CEP112: variants seen among roughly 807,000 people sequenced by gnomAD.
CEP112 encodes the protein centrosomal protein of 112 kDa.
In CEP112, 127 loss-of-function variants were observed where a neutral mutation model predicts 153.0. The observed-to-expected ratio is 0.83, with a 90% confidence interval of 0.72 to 0.96. CEP112 has a LOEUF of 0.96. Ranked by LOEUF, CEP112 falls within the 40% of genes least tolerant of loss-of-function variation. CEP112 has a pLI of 0.00. For synonymous variants in CEP112, 358 were observed against 374.4 expected (o/e 0.96, Z 0.51); for missense variants, 1,089 against 1,101.2 (o/e 0.99, Z 0.16).
At chr17:65,802,808 T>C (rs138181541) in intron 21 of CEP112, among the ~76,000 whole-genome samples, 114 of 152,308 alleles carry the variant, frequency 7.5e-4, no homozygotes, top group Non-Finnish European at 1.4e-3. Flanking sequence ...TGTAGCAGGA[T>C]TGTATTTTCC....
rs564261561 is a variant in CEP112 at position 65,825,408 on chromosome 17, C to T, written c.2394+26396G>A. 2.8e-3 allele frequency among the ~76,000 whole-genome samples: 427 copies of T among 152,280 alleles called. 1 individual carries two copies. The highest frequency in any genetic ancestry group is 9.9e-3 in the African/African-American group (413 of 41,546). On this transcript the variant is annotated intron_variant, in intron 21 of 26. Transcript: ENST00000535342. ...AGGAAGTAGCTCACCTGCCACTCAC[C>T]TCCTGCTGTGCAGCCTGGTTCCTAA...
At chr17:66,043,069 T>G in intron 12 of CEP112, 1 of 980,276 alleles carries the variant, frequency 1.0e-6, no homozygotes. Flanking sequence ...CTTTTGGCAC[T>G]CTTTAAGGTA....
chr17:66,160,994 A>G (rs867932775), intron 4 of CEP112, among the ~76,000 whole-genome samples: 7 of 149,982 alleles, frequency 4.7e-5, no homozygotes, highest in African/African-American at 1.2e-4. Flanking sequence ...AATTTACAAG[A>G]AAAAAAAAAC....
chr17:65,798,637 T>C (rs546917223), intron 21 of CEP112, among the ~76,000 whole-genome samples: 2 of 152,350 alleles, frequency 1.3e-5, no homozygotes, highest in Admixed American at 6.5e-5. Flanking sequence ...ATGACATGCT[T>C]AATACCTGTT....
intron 24 of CEP112, chr17:65,644,370 T>G: frequency 1.8e-6 from 1 of 561,138 alleles, no homozygotes; most frequent in Admixed American, 2.5e-5. Flanking sequence ...AGTTCAAGTC[T>G]GGCATTTTCC....
chr17:65,718,147 T>C (rs998754287), intron 23 of CEP112, among the ~76,000 whole-genome samples: 1 of 152,234 alleles, frequency 6.6e-6, no homozygotes, highest in Admixed American at 6.5e-5. Context: ...GGCTCACGCC[T>C]GTAATCCCAG....
chr17:65,948,764 T>C lies in CEP112; in HGVS notation c.1872+12699A>G, dbSNP rs892550153. The stretch of plus-strand genomic sequence containing the variant: ...ATGTTCTTCAAAGCGAAAGAAAGAG[T>C]GTGCAGCAATTTTTTAAAAAGTTTA... On this transcript the variant is annotated intron_variant, in intron 18 of 26. Coordinates refer to ENST00000535342, the MANE Select transcript of CEP112 (RefSeq NM_001199165.4). Among the ~76,000 whole-genome samples the C allele has an allele frequency of 2.0e-5, 3 of 152,052 alleles. No individual in the cohort carries two copies. The East Asian group carries it at 5.8e-4, about 29-fold the overall frequency.
At chr17:65,747,598 A>G (rs1483182031) in intron 22 of CEP112, among the ~76,000 whole-genome samples, 2 of 152,210 alleles carry the variant, frequency 1.3e-5, no homozygotes, top group African/African-American at 4.8e-5. Flanking sequence ...TAAGCGGACT[A>G]AACTCCAGCA....
chr17:65,706,571 G>T lies in CEP112; in HGVS notation c.2608-17353C>A, dbSNP rs1264347565. On this transcript the variant is annotated intron_variant, in intron 23 of 26. Transcript: ENST00000535342. ...TCCCAGGCTTAACAGGTTCAAAACT[G>T]GACGTATTATCAGTTTTCCCACTTT... is the stretch of plus-strand genomic sequence containing the variant. Among the ~76,000 whole-genome samples, 8 of 152,260 alleles carry T rather than the reference G, an allele frequency of 5.3e-5. No individual in the cohort carries two copies. In the East Asian group the frequency reaches 1.5e-3, roughly 29 times the overall value.
At chr17:65,690,522 C>A (rs184863521) in intron 23 of CEP112, among the ~76,000 whole-genome samples, 44 of 150,328 alleles carry the variant, frequency 2.9e-4, no homozygotes, top group African/African-American at 1.0e-3. Context: ...TATTATATAA[C>A]CGTGATGAGT....
intron 18 of CEP112, among the ~76,000 whole-genome samples, chr17:65,937,600 C>G (rs1350149417): frequency 1.8e-5 from 2 of 108,702 alleles, no homozygotes; most frequent in African/African-American, 3.1e-5. Context: ...GCCAGCCGCC[C>G]CGTCCGGGAG....
In CEP112 at chr17:66,191,895, C is replaced by G. The variant is rs1474836162; in HGVS notation, c.-9+102G>C. The G allele has an allele frequency of 1.3e-5, 2 of 152,154 alleles. No homozygotes were observed. Among genetic ancestry groups the G allele is most frequent in the African/African-American group, 2.4e-5 (1 of 41,430 alleles). 9.4% of individuals were successfully genotyped at this position (152,154 alleles called of 1,614,324 possible). The stretch of plus-strand genomic sequence containing the variant: ...AGGGCCTGAGGGCGACGCCCCTTCC[C>G]GAACGGGCCCGCAAGGGCGGGGCGG... On this transcript the variant is annotated intron_variant, in intron 1 of 26. Coordinates refer to ENST00000535342, the MANE Select transcript of CEP112 (RefSeq NM_001199165.4). This position sits in a 1 kb window ranked among gnomAD's most constrained non-coding sequence, Gnocchi z 4.2.
intron 6 of CEP112, among the ~76,000 whole-genome samples, chr17:66,126,196 T>C (rs1598400932): frequency 6.6e-6 from 1 of 152,194 alleles, no homozygotes; most frequent in South Asian, 2.1e-4. Flanking sequence ...TACTTATGAC[T>C]TTTTCCTACT....
intron 16 of CEP112, among the ~76,000 whole-genome samples, chr17:66,009,305 G>C (rs1169602115): frequency 6.6e-6 from 1 of 151,940 alleles, no homozygotes; most frequent in Non-Finnish European, 1.5e-5. Context: ...CTGATGATTA[G>C]TGATGTCGAG....
intron 8 of CEP112, among the ~76,000 whole-genome samples, chr17:66,079,322 A>C (rs1303908713): frequency 6.6e-6 from 1 of 152,166 alleles, no homozygotes; most frequent in Non-Finnish European, 1.5e-5. Flanking sequence ...TATTCATAGA[A>C]TTATTATTTG....
chr17:65,902,344 C>A lies in CEP112; in HGVS notation c.1981-10G>T. Reference sequence around the variant, plus strand: ...GCTTCAGCTCTACTATCTGATTGGACAATGAGGAGGACAGTTCATCAACAG... The same window carrying A: ...GCTTCAGCTCTACTATCTGATTGGAAAATGAGGAGGACAGTTCATCAACAG... On this transcript the variant is annotated splice_polypyrimidine_tract_variant and intron_variant, in intron 19 of 26. Coordinates refer to ENST00000535342, the MANE Select transcript of CEP112 (RefSeq NM_001199165.4). The A allele has an allele frequency of 6.2e-7, 1 of 1,609,608 alleles. No homozygotes were observed. The highest frequency in any genetic ancestry group is 8.5e-7 in the Non-Finnish European group (1 of 1,177,942).
chr17:65,655,462 T>C, intron 24 of CEP112: 1 of 963,510 alleles, frequency 1.0e-6, no homozygotes, highest in Admixed American at 1.8e-5. Flanking sequence ...TGGGCCACAG[T>C]GTTTATGTAC....
chr17:65,937,899 C>G (rs2061396787), intron 18 of CEP112, among the ~76,000 whole-genome samples: 2 of 118,252 alleles, frequency 1.7e-5, no homozygotes, highest in African/African-American at 5.7e-5. Context: ...GCCCGGCCAC[C>G]ACCCCATCTG....
intron 15 of CEP112, among the ~76,000 whole-genome samples, chr17:66,027,950 A>G (rs183408809): frequency 9.5e-4 from 137 of 144,860 alleles, no homozygotes; most frequent in African/African-American, 3.0e-3. Flanking sequence ...AGAGAGAGAC[A>G]GAGGGAGAGA....
Sources: allele counts gnomAD v4.1 joint callset (sites outside exome capture counted in the v4.1 genomes callset), GRCh38; gene constraint gnomAD v4.1.1; non-coding constraint Gnocchi (gnomAD v3.1); transcripts MANE v1.5; gene names NCBI Gene and HGNC (gene_info 2026-07-23, HGNC 2026-07-21).